The following COL14A1 variants were observed in gnomAD, a reference collection of about 807,000 sequenced individuals.
COL14A1 encodes collagen type XIV alpha 1 chain, also known as collagen alpha-1(XIV) chain.
In COL14A1, 136 loss-of-function variants were observed where a neutral mutation model predicts 230.3. That is an observed-to-expected ratio of 0.59 (90% confidence interval 0.51 to 0.68). The LOEUF (loss-of-function observed/expected upper bound fraction) is 0.68, where lower values mean the gene tolerates loss of function less well. COL14A1 is among the 30% of genes least tolerant of loss of function. The pLI is 0.00. For synonymous variants in COL14A1, 792 were observed against 784.1 expected, an observed-to-expected ratio of 1.01 and a Z score of -0.17; for missense variants, 1,976 against 2,215.8, an observed-to-expected ratio of 0.89 and a Z score of 2.17.
chr8:120,366,719 G>A (rs758950304), intron 45 of COL14A1, among the ~76,000 whole-genome samples: 3 of 152,194 alleles, frequency 2.0e-5, no homozygotes, highest in African/African-American at 7.2e-5. Flanking sequence ...GGAAACTCAC[G>A]CTCTTCAGAA....
chr8:120,197,713 C>T, intron 6 of COL14A1, 98 bp from the exon 7 acceptor site: 1 of 1,354,300 alleles, frequency 7.4e-7, no homozygotes, highest in South Asian at 1.7e-5. Context: ...AAAATTTTTG[C>T]AAAGATGAGG....
chr8:120,238,141 G>A (rs1818505291), intron 19 of COL14A1, among the ~76,000 whole-genome samples: 1 of 152,144 alleles, frequency 6.6e-6, no homozygotes, highest in Admixed American at 6.5e-5. Flanking sequence ...CGCTGTGCTG[G>A]GAGGTCCTCT....
At chr8:120,299,562 G>A (rs745921720) in intron 35 of COL14A1, among the ~76,000 whole-genome samples, 16 of 151,968 alleles carry the variant, frequency 1.1e-4, no homozygotes, top group Non-Finnish European at 1.9e-4. Flanking sequence ...AAAAGACACC[G>A]TGCAGTAACA....
intron 33 of COL14A1, among the ~76,000 whole-genome samples, chr8:120,286,580 G>T (rs1820210920): frequency 6.6e-6 from 1 of 152,160 alleles, no homozygotes; most frequent in African/African-American, 2.4e-5. Context: ...CGCGATCTTG[G>T]CTCACTACAA....
At position 120,309,990 on chromosome 8, in the gene COL14A1, C is replaced by T. The variant is rs1404966658; in HGVS notation, c.4402-19C>T. 1.9e-6 allele frequency: 3 copies of T among 1,612,962 alleles called. No individual in the cohort carries two copies. The highest frequency in any genetic ancestry group is 1.7e-6 in the Non-Finnish European group (2 of 1,179,168). On this transcript the variant is annotated intron_variant, in intron 36 of 47. Transcript: ENST00000297848. ...TTTGAGATTTGTCTTTGAGCTAATACTTAACATCTGTTTGCCAGGGTGGTC... is the reference window on the plus strand; with the variant it reads ...TTTGAGATTTGTCTTTGAGCTAATATTTAACATCTGTTTGCCAGGGTGGTC...
At chr8:120,132,617 A>T (rs1038457631) in intron 1 of COL14A1, among the ~76,000 whole-genome samples, 5 of 151,802 alleles carry the variant, frequency 3.3e-5, no homozygotes, top group Non-Finnish European at 5.9e-5. Flanking sequence ...GATAGCAATA[A>T]CATTGAACCT....
intron 40 of COL14A1, among the ~76,000 whole-genome samples, chr8:120,327,709 G>A (rs989617812): frequency 4.6e-5 from 7 of 151,798 alleles, no homozygotes; most frequent in Middle Eastern, 3.2e-3. Flanking sequence ...TTATTTCTTC[G>A]ATGTGATAAG....
chr8:120,312,440 T>C (rs1208134397), intron 37 of COL14A1, among the ~76,000 whole-genome samples: 1 of 152,198 alleles, frequency 6.6e-6, no homozygotes, highest in Non-Finnish European at 1.5e-5. Context: ...AATCAAACAC[T>C]TCTTTGTTTG....
chr8:120,257,634 T>C (rs1422359561), intron 23 of COL14A1, among the ~76,000 whole-genome samples: 3 of 152,326 alleles, frequency 2.0e-5, no homozygotes, highest in Admixed American at 1.3e-4. Context: ...TGCCCATTCT[T>C]CCACAGGCAG....
chr8:120,342,546 G>C, intron 44 of COL14A1, 100 bp downstream of exon 44: 1 of 1,145,298 alleles, frequency 8.7e-7, no homozygotes. Flanking sequence ...AAACTCTAAA[G>C]CATTGTCTTT....
At position 120,208,274 on chromosome 8, in the gene COL14A1, T is replaced by C. The variant is rs775080064; in HGVS notation, c.1234T>C (p.Leu412=). ...TGTATCTTCCACAGTGTTGAAAAAC[T>C]TGATGTCTTTAACTGAATATCAGAT... ...GTVSSTVLKN[L]MSLTEYQIAV... Residue 412 remains leucine (L), a synonymous_variant, in exon 11 of 48, where the codon TTG becomes CTG. Coordinates refer to ENST00000297848, the MANE Select transcript of COL14A1 (RefSeq NM_021110.4). 2 of 1,613,610 alleles carry C rather than the reference T, an allele frequency of 1.2e-6. No individual in the cohort carries two copies. Among genetic ancestry groups the C allele is most frequent in the East Asian group, 2.2e-5 (1 of 44,872 alleles).
chr8:120,363,220 T>C (rs1823288210), intron 45 of COL14A1, among the ~76,000 whole-genome samples: 1 of 152,190 alleles, frequency 6.6e-6, no homozygotes. Context: ...ATGTGGTACA[T>C]ATACACCATG....
At chr8:120,260,644 G>A (rs2129751285) in intron 23 of COL14A1, among the ~76,000 whole-genome samples, 1 of 152,198 alleles carries the variant, frequency 6.6e-6, no homozygotes, top group South Asian at 2.1e-4. Context: ...AGGGAAATTT[G>A]AATAATTGTT....
At chr8:120,203,351 G>A (rs1188538879) in intron 8 of COL14A1, among the ~76,000 whole-genome samples, 2 of 99,016 alleles carry the variant, frequency 2.0e-5, no homozygotes, top group African/African-American at 1.2e-4. Context: ...CTCAGATGGG[G>A]GTGGGGGGGG....
intron 47 of COL14A1, chr8:120,370,204 T>A: frequency 2.2e-6 from 2 of 892,828 alleles, no homozygotes; most frequent in Non-Finnish European, 3.5e-6. Context: ...GTTAATGGGT[T>A]TAAAATTTTC....
intron 42 of COL14A1, 111 bp downstream of exon 42, chr8:120,332,846 C>CCTG: frequency 1.3e-6 from 1 of 772,884 alleles, no homozygotes; most frequent in Non-Finnish European, 2.0e-6. Flanking sequence ...CAGCACTGGA[C>CCTG]TCTATGGAAA....
At chr8:120,215,631 A>G (rs1817728226) in intron 13 of COL14A1, among the ~76,000 whole-genome samples, 1 of 152,050 alleles carries the variant, frequency 6.6e-6, no homozygotes, top group South Asian at 2.1e-4. Flanking sequence ...TGGCTGGGAG[A>G]CCATGGCAAA....
In COL14A1 at chr8:120,274,808, T is replaced by C. The variant is rs901397285; in HGVS notation, c.3214-3303T>C. ...CTTAACTAAAGAGATGGAAATTCTC[T>C]TCAACAAGAATCACAAAACACTGCT... On this transcript the variant is annotated intron_variant, in intron 26 of 47. Coordinates refer to ENST00000297848, the MANE Select transcript of COL14A1 (RefSeq NM_021110.4). Among the ~76,000 whole-genome samples the C allele has an allele frequency of 3.9e-5, 6 of 151,954 alleles. No individual in the cohort carries two copies. In the East Asian group the frequency reaches 1.2e-3, roughly 29 times the overall value.
At chr8:120,268,294 C>G (rs1819558706) in intron 25 of COL14A1, among the ~76,000 whole-genome samples, 1 of 151,700 alleles carries the variant, frequency 6.6e-6, no homozygotes, top group Non-Finnish European at 1.5e-5. Context: ...CTTCTTTAGT[C>G]TCAACATCTG....
Sources: allele counts gnomAD v4.1 joint callset (sites outside exome capture counted in the v4.1 genomes callset), GRCh38; gene constraint gnomAD v4.1.1; transcripts MANE v1.5; gene names NCBI Gene and HGNC (gene_info 2026-07-23, HGNC 2026-07-21).